The following PAM variants were observed in gnomAD, a reference collection of about 807,000 sequenced individuals.
PAM encodes the protein peptidylglycine alpha-amidating monooxygenase, also known as peptidyl-glycine alpha-amidating monooxygenase.
A neutral mutation model predicts 122.1 loss-of-function variants in PAM; 72 were observed. That is an observed-to-expected ratio of 0.59 (90% CI 0.49 to 0.72). PAM has a LOEUF of 0.72. Among genes scored for constraint, PAM ranks in the 30% least tolerant of loss-of-function variants. The pLI, the probability that PAM is intolerant of heterozygous loss-of-function variation, is 0.00. For missense variants in PAM, 1,106 were observed against 1,183.7 expected (o/e 0.93, Z 0.96); for synonymous variants, 389 against 404.4 (o/e 0.96, Z 0.46).
intron 3 of PAM, among the ~76,000 whole-genome samples, chr5:102,886,372 A>G (rs1793094091): frequency 6.6e-6 from 1 of 152,000 alleles, no homozygotes; most frequent in Admixed American, 6.6e-5. Flanking sequence ...ATTCAGGCAT[A>G]TATAATATTT....
chr5:102,777,887 G>A (rs1467398759), intron 1 of PAM, among the ~76,000 whole-genome samples: 4 of 152,148 alleles, frequency 2.6e-5, no homozygotes, highest in Admixed American at 1.3e-4. Context: ...CTAGATTAGC[G>A]ATTAACATGG....
At chr5:102,966,824 GAAC>G (rs1405956219) in intron 14 of PAM, among the ~76,000 whole-genome samples, 15 of 152,002 alleles carry the variant, frequency 9.9e-5, no homozygotes, top group African/African-American at 3.4e-4. Flanking sequence ...AGAAATTGCA[GAAC>G]AATAAGCAGT....
chr5:103,028,314 G>C (rs1785586155), intron 25 of PAM, 76 bp downstream of exon 25: 2 of 1,033,704 alleles, frequency 1.9e-6, no homozygotes, highest in East Asian at 2.4e-5. Flanking sequence ...AAAGCAAGGA[G>C]ATATTTCATA....
chr5:102,836,742 C>A (rs1021038416), intron 1 of PAM, among the ~76,000 whole-genome samples: 6 of 152,114 alleles, frequency 3.9e-5, no homozygotes, highest in Non-Finnish European at 8.8e-5. Flanking sequence ...TGGCATTATT[C>A]TAGGGGCTAG....
intron 15 of PAM, among the ~76,000 whole-genome samples, chr5:102,979,726 C>T (rs914727496): frequency 1.3e-5 from 2 of 152,022 alleles, no homozygotes; most frequent in African/African-American, 4.8e-5. Context: ...TAATATTAAT[C>T]TCTTTCTGGA....
chr5:102,796,525 T>C (rs79785211), intron 1 of PAM, among the ~76,000 whole-genome samples: 3,997 of 152,290 alleles, frequency 0.026, 102 homozygotes, highest in East Asian at 0.14. Flanking sequence ...GGTAAGATTA[T>C]AATTCTCTTA....
rs781273537 is a variant in PAM at position 103,003,070 on chromosome 5, C to T, written c.1651C>T (p.Leu551Phe). 25 of 1,605,790 alleles carry T rather than the reference C, an allele frequency of 1.6e-5. No individual in the cohort carries two copies. The highest frequency in any genetic ancestry group is 2.0e-5 in the Non-Finnish European group (24 of 1,172,674). The change falls in exon 17 of 26, where the codon CTC becomes TTC. Residue 551 changes from leucine to phenylalanine, a missense_variant. Physicochemically the swap from Leu to Phe is conservative, Grantham distance 22 (BLOSUM62 0). Transcript: ENST00000438793. ...DSKFVYQQIG[L>F]GPIEEDTILV... Reference sequence around the variant, plus strand: ...CAAGTTTGTTTACCAGCAAATAGGACTCGGACCAATTGAAGAAGACACTAT... The same window carrying T: ...CAAGTTTGTTTACCAGCAAATAGGATTCGGACCAATTGAAGAAGACACTAT...
In PAM at chr5:102,866,141, C is replaced by T; in HGVS notation, c.-55C>T. On this transcript the variant is annotated 5_prime_UTR_variant, in exon 2 of 26. Transcript: ENST00000438793. The stretch of plus-strand genomic sequence containing the variant: ...GGCGCCGCTGCCCAACCGCCAGCCC[C>T]AGCCCCGCGCTGCGCTGCCCGGTCC... 9 of 1,300,888 alleles carry T rather than the reference C, an allele frequency of 6.9e-6. No homozygotes were observed. Among genetic ancestry groups the T allele is most frequent in the Non-Finnish European group, 8.8e-6 (8 of 906,514 alleles). The allele number at this position is 1,300,888 out of a possible 1,614,324, so 80.6% of individuals were successfully genotyped here.
chr5:102,771,423 G>C (rs1352679871), intron 1 of PAM, among the ~76,000 whole-genome samples: 1 of 152,068 alleles, frequency 6.6e-6, no homozygotes, highest in Non-Finnish European at 1.5e-5. Flanking sequence ...CTAAACAGGG[G>C]AAACATAGAA....
At chr5:102,866,410 CACAGTA>C (rs1429747629) in intron 2 of PAM, 126 bp downstream of exon 2, 1 of 680,894 alleles carries the variant, frequency 1.5e-6, no homozygotes, top group Non-Finnish European at 2.6e-6. Flanking sequence ...GGAATTTTAC[CACAGTA>C]ACTTCTTGTG....
intron 22 of PAM, among the ~76,000 whole-genome samples, chr5:103,018,058 AC>A (rs1415039538): frequency 6.6e-6 from 1 of 152,194 alleles, no homozygotes; most frequent in Non-Finnish European, 1.5e-5. Flanking sequence ...CTAACTTTTA[AC>A]CCCTAATATG....
chr5:102,792,738 A>G (rs543183392), intron 1 of PAM, among the ~76,000 whole-genome samples: 1 of 152,328 alleles, frequency 6.6e-6, no homozygotes, highest in South Asian at 2.1e-4. Flanking sequence ...TTTGTAACAC[A>G]TGATTACCAT....
intron 7 of PAM, among the ~76,000 whole-genome samples, chr5:102,937,901 T>C (rs1753810207): frequency 6.6e-6 from 1 of 152,206 alleles, no homozygotes; most frequent in Non-Finnish European, 1.5e-5. Flanking sequence ...AGAATTAATA[T>C]TAATAAAGAT....
intron 1 of PAM, among the ~76,000 whole-genome samples, chr5:102,781,559 C>A (rs1350157273): frequency 6.6e-6 from 1 of 152,190 alleles, no homozygotes; most frequent in Non-Finnish European, 1.5e-5. Context: ...GCTTTGGTGT[C>A]CCCTGTGCTG....
chr5:102,781,628 C>G (rs1287600715), intron 1 of PAM, among the ~76,000 whole-genome samples: 1 of 152,076 alleles, frequency 6.6e-6, no homozygotes, highest in African/African-American at 2.4e-5. Flanking sequence ...ATATTTTTAG[C>G]TTTCTGCAAG....
At chr5:102,990,500 T>C (rs1232999319) in intron 16 of PAM, 99 bp downstream of exon 16, 2 of 876,232 alleles carry the variant, frequency 2.3e-6, no homozygotes, top group African/African-American at 3.4e-5. Context: ...CTATAAAGGT[T>C]TTTTAGAATT....
chr5:102,948,337 C>T, intron 8 of PAM, 41 bp from the exon 9 acceptor site: 1 of 1,141,092 alleles, frequency 8.8e-7, no homozygotes, highest in South Asian at 1.3e-5. Flanking sequence ...GTCATTTTGA[C>T]TTTTTCAGGT....
chr5:102,967,595 C>A (rs1461839310), intron 14 of PAM, among the ~76,000 whole-genome samples: 5 of 151,952 alleles, frequency 3.3e-5, no homozygotes, highest in Non-Finnish European at 7.4e-5. Context: ...AACTATAGTT[C>A]TATCTTGTAA....
chr5:102,855,552 T>TA (rs1435321696), intron 1 of PAM, among the ~76,000 whole-genome samples: 8 of 152,198 alleles, frequency 5.3e-5, no homozygotes, highest in African/African-American at 1.9e-4. Flanking sequence ...TATAGACTTT[T>TA]AAAGAAAGAG....
Sources: gnomAD v4.1 joint callset for allele counts (sites outside exome capture counted in the v4.1 genomes callset) on GRCh38, gnomAD v4.1.1 for gene constraint, MANE v1.5 for transcripts, NCBI Gene and HGNC (gene_info 2026-07-23, HGNC 2026-07-21) for gene names.